NPAS3: variants seen among roughly 807,000 people sequenced by gnomAD.
NPAS3 encodes the protein neuronal PAS domain protein 3.
Under a neutral mutation model 73.1 loss-of-function variants are expected in NPAS3, and 14 were observed. The ratio of observed to expected loss-of-function variants is 0.19; its 90% CI spans 0.13 to 0.30. The LOEUF (loss-of-function observed/expected upper bound fraction) is 0.30, where lower values mean the gene tolerates loss of function less well. Among genes scored for constraint, NPAS3 ranks in the 10% least tolerant of loss-of-function variants. NPAS3 has a pLI of 1.00. For missense variants in NPAS3, 1,096 were observed against 1,250.0 expected, an observed-to-expected ratio of 0.88 and a Z score of 1.86; for synonymous variants, 620 against 541.5, an observed-to-expected ratio of 1.14 and a Z score of -2.01.
intron 5 of NPAS3, among the ~76,000 whole-genome samples, chr14:33,611,654 T>C (rs989176579): frequency 6.6e-6 from 1 of 152,200 alleles, no homozygotes; most frequent in African/African-American, 2.4e-5. Context: ...TTCCAGTTAT[T>C]TGCGTGAACT....
chr14:33,709,109 C>T (rs1157556311), intron 6 of NPAS3, among the ~76,000 whole-genome samples: 1 of 152,200 alleles, frequency 6.6e-6, no homozygotes, highest in East Asian at 1.9e-4. Context: ...TTCTCCACAA[C>T]ACCCAAGTGG....
chr14:32,985,004 G>A (rs2038041900), intron 1 of NPAS3, among the ~76,000 whole-genome samples: 3 of 152,100 alleles, frequency 2.0e-5, no homozygotes, highest in Admixed American at 6.5e-5. Context: ...TGGGTATAAT[G>A]TGCATAAAAA....
At chr14:33,573,819 C>A (rs1168575039) in intron 5 of NPAS3, among the ~76,000 whole-genome samples, 1 of 151,916 alleles carries the variant, frequency 6.6e-6, no homozygotes, top group African/African-American at 2.4e-5. Flanking sequence ...ATAGAAAGCA[C>A]CCTCCAATTA....
At chr14:33,564,825 A>G (rs1366288567) in intron 5 of NPAS3, among the ~76,000 whole-genome samples, 4 of 152,186 alleles carry the variant, frequency 2.6e-5, no homozygotes, top group Non-Finnish European at 5.9e-5. Flanking sequence ...TCCTGTTTAC[A>G]ACAAAAATGA....
intron 3 of NPAS3, among the ~76,000 whole-genome samples, chr14:33,247,187 T>C (rs1442484592): frequency 6.6e-6 from 1 of 152,198 alleles, no homozygotes; most frequent in African/African-American, 2.4e-5. Context: ...CATTCTAAAG[T>C]ACTCTCCCCA....
At chr14:33,158,610 T>G (rs2044734636) in intron 2 of NPAS3, among the ~76,000 whole-genome samples, 1 of 151,702 alleles carries the variant, frequency 6.6e-6, no homozygotes, top group Non-Finnish European at 1.5e-5. Context: ...AGAGAGAGGG[T>G]GTTCATGGAA....
At chr14:33,327,474 A>G (rs1015806943) in intron 3 of NPAS3, among the ~76,000 whole-genome samples, 1 of 152,216 alleles carries the variant, frequency 6.6e-6, no homozygotes, top group Non-Finnish European at 1.5e-5. Flanking sequence ...GAAAACAAAG[A>G]TACACAGGAA....
chr14:33,717,152 G>A (rs1230555729), intron 6 of NPAS3, among the ~76,000 whole-genome samples: 2 of 91,304 alleles, frequency 2.2e-5, no homozygotes, highest in Non-Finnish European at 5.0e-5. Context: ...ACCACTGTAC[G>A]ATTGACATAA....
At chr14:33,357,217 A>G (rs1250247781) in intron 3 of NPAS3, among the ~76,000 whole-genome samples, 3 of 152,190 alleles carry the variant, frequency 2.0e-5, no homozygotes, top group Non-Finnish European at 2.9e-5. Flanking sequence ...TTCAGTTTGC[A>G]GTGGTGGTGG....
chr14:33,138,876 A>G (rs974013153), intron 2 of NPAS3, among the ~76,000 whole-genome samples: 1 of 152,226 alleles, frequency 6.6e-6, no homozygotes, highest in African/African-American at 2.4e-5. Context: ...TTCTTAGAAT[A>G]TATTCTGTCG....
At chr14:33,205,925 A>T (rs1199311536) in intron 2 of NPAS3, among the ~76,000 whole-genome samples, 1 of 152,214 alleles carries the variant, frequency 6.6e-6, no homozygotes, top group East Asian at 1.9e-4. Flanking sequence ...AGAAAAAATG[A>T]ATTTTCCCAC....
chr14:33,699,071 C>T (rs1434246607), intron 6 of NPAS3, among the ~76,000 whole-genome samples: 2 of 152,196 alleles, frequency 1.3e-5, no homozygotes, highest in Non-Finnish European at 2.9e-5. Flanking sequence ...GCCTGTGAGA[C>T]AGACCCTAGG....
chr14:33,044,649 A>G (rs2040444232), intron 1 of NPAS3, among the ~76,000 whole-genome samples: 1 of 145,760 alleles, frequency 6.9e-6, no homozygotes, highest in Admixed American at 7.1e-5. Context: ...AGAGTGAGTT[A>G]GTTTGTTTTT....
chr14:33,136,281 A>G (rs976503211), intron 2 of NPAS3, among the ~76,000 whole-genome samples: 8 of 151,848 alleles, frequency 5.3e-5, no homozygotes, highest in Admixed American at 2.0e-4. Flanking sequence ...GGCTGGTCTC[A>G]ATCTCCTGAC....
intron 4 of NPAS3, among the ~76,000 whole-genome samples, chr14:33,534,270 A>G (rs1435991438): frequency 6.6e-6 from 1 of 151,922 alleles, no homozygotes; most frequent in Non-Finnish European, 1.5e-5. Flanking sequence ...TGTATGAACC[A>G]TGGCATGCTG....
At chr14:33,690,982 A>G (rs566594819) in intron 6 of NPAS3, among the ~76,000 whole-genome samples, 8 of 152,234 alleles carry the variant, frequency 5.3e-5, no homozygotes, top group Non-Finnish European at 1.0e-4. Flanking sequence ...ATGTGCTTTA[A>G]TCATCTAATG....
At position 33,602,950 on chromosome 14, in the gene NPAS3, A is replaced by G. The variant is rs118153603; in HGVS notation, c.558+42740A>G. 2.5e-3 allele frequency among the ~76,000 whole-genome samples: 382 copies of G among 152,300 alleles called. 1 individual carries two copies. The highest frequency in any genetic ancestry group is 3.7e-3 in the Non-Finnish European group (253 of 68,020). ...CTCAGTGATATTTCAGGAACAGAAT[A>G]CCCATGATCCAACAATGTAAAATTC... On this transcript the variant is annotated intron_variant, in intron 5 of 11. Coordinates refer to ENST00000356141, the Ensembl canonical transcript of NPAS3.
intron 3 of NPAS3, among the ~76,000 whole-genome samples, chr14:33,335,147 C>A (rs998718433): frequency 1.3e-5 from 2 of 151,698 alleles, no homozygotes; most frequent in Non-Finnish European, 2.9e-5. Context: ...GCAAATTGTG[C>A]TGCTGTAAAC....
At chr14:33,188,562 C>T (rs1479355630) in intron 2 of NPAS3, among the ~76,000 whole-genome samples, 2 of 152,174 alleles carry the variant, frequency 1.3e-5, no homozygotes, top group Non-Finnish European at 2.9e-5. Context: ...AAACTTCCTA[C>T]ACATGTGGCA....
Sources: gnomAD v4.1 joint callset for allele counts (sites outside exome capture counted in the v4.1 genomes callset) on GRCh38, gnomAD v4.1.1 for gene constraint, MANE v1.5 for transcripts, NCBI Gene and HGNC (gene_info 2026-07-23, HGNC 2026-07-21) for gene names.